MAPRE2: variants seen among roughly 807,000 people sequenced by gnomAD.
MAPRE2 encodes the protein microtubule associated protein RP/EB family member 2.
Under a neutral mutation model 43.2 loss-of-function variants are expected in MAPRE2, and 13 were observed. That is an observed-to-expected ratio of 0.30 (90% CI 0.20 to 0.48). MAPRE2 has a LOEUF of 0.48. MAPRE2 is among the 20% of genes least tolerant of loss of function. MAPRE2 has a pLI of 0.99. For missense variants in MAPRE2, 161 were observed against 400.2 expected, an observed-to-expected ratio of 0.40 and a Z score of 5.10; for synonymous variants, 135 against 148.8, an observed-to-expected ratio of 0.91 and a Z score of 0.68.
intron 4 of MAPRE2, among the ~76,000 whole-genome samples, chr18:35,126,676 T>C (rs1909916302): frequency 6.6e-6 from 1 of 151,892 alleles, no homozygotes; most frequent in African/African-American, 2.4e-5. Context: ...CTCTTATATC[T>C]CCAGAGGGAG....
chr18:35,091,915 G>T (rs1054311923), intron 2 of MAPRE2, among the ~76,000 whole-genome samples: 2 of 152,190 alleles, frequency 1.3e-5, no homozygotes, highest in Admixed American at 1.3e-4. Context: ...TCACAGTTCT[G>T]CAGGCTGTAC....
At chr18:35,063,285 T>A (rs903661117) in intron 1 of MAPRE2, among the ~76,000 whole-genome samples, 1 of 151,968 alleles carries the variant, frequency 6.6e-6, no homozygotes, top group Non-Finnish European at 1.5e-5. Context: ...TTTTTTGTAT[T>A]TTTAGTAGAG....
chr18:35,037,888 G>T (rs1226428300), upstream of MAPRE2, among the ~76,000 whole-genome samples: 1 of 152,122 alleles, frequency 6.6e-6, no homozygotes, highest in African/African-American at 2.4e-5. Flanking sequence ...TGTGAGTGGG[G>T]CTTATAGGAG....
At chr18:35,001,666 T>A (rs569340372) in intron 1 of MAPRE2, among the ~76,000 whole-genome samples, 1 of 152,100 alleles carries the variant, frequency 6.6e-6, no homozygotes, top group East Asian at 1.9e-4. Context: ...TAGGCAACAT[T>A]GGATAGCAGA....
chr18:34,991,011 CT>C (rs2097023494), intron 1 of MAPRE2, among the ~76,000 whole-genome samples: 1 of 152,102 alleles, frequency 6.6e-6, no homozygotes, highest in Non-Finnish European at 1.5e-5. Flanking sequence ...TGAGCCTCTG[CT>C]TTTTGTTTTT....
intron 4 of MAPRE2, among the ~76,000 whole-genome samples, chr18:35,108,541 C>T (rs1909017773): frequency 6.6e-6 from 1 of 152,148 alleles, no homozygotes; most frequent in African/African-American, 2.4e-5. Context: ...CTTCAGAAAT[C>T]ATCATACTGT....
At chr18:34,997,937 A>G (rs1028121501) in intron 1 of MAPRE2, among the ~76,000 whole-genome samples, 4 of 152,282 alleles carry the variant, frequency 2.6e-5, no homozygotes, top group African/African-American at 9.6e-5. Flanking sequence ...AAAGCCTTTA[A>G]GAAATATTTT....
chr18:35,085,021 AC>A, intron 2 of MAPRE2, among the ~76,000 whole-genome samples: 1 of 152,332 alleles, frequency 6.6e-6, no homozygotes, highest in East Asian at 1.9e-4. Context: ...GCCTATGAAA[AC>A]AACAAAAAGC....
At chr18:35,123,087 C>G (rs1909759226) in intron 4 of MAPRE2, among the ~76,000 whole-genome samples, 1 of 152,244 alleles carries the variant, frequency 6.6e-6, no homozygotes, top group African/African-American at 2.4e-5. Flanking sequence ...GCGTGTCTCA[C>G]TGCTCTCCTG....
chr18:35,041,297 T>G, upstream of MAPRE2: 1 of 1,400,220 alleles, frequency 7.1e-7, no homozygotes, highest in East Asian at 2.7e-5. Context: ...AGGTGATGAG[T>G]TAGCGGGTTG....
Position 35,143,279 on chromosome 18 carries a change from T to C in MAPRE2, c.*2910T>C, listed in dbSNP as rs1910749604. On this transcript the variant is annotated 3_prime_UTR_variant, in exon 7 of 7. Coordinates refer to ENST00000300249, the MANE Select transcript of MAPRE2 (RefSeq NM_014268.4). Reference sequence around the variant, plus strand: ...AAACTGAAAGGAATGTAAACATATGTATTGTTAATTATAAATATAGATAAG... The same window carrying C: ...AAACTGAAAGGAATGTAAACATATGCATTGTTAATTATAAATATAGATAAG... 1 of 152,122 alleles carries C rather than the reference T, an allele frequency of 6.6e-6. No homozygotes were observed. Among genetic ancestry groups the C allele is most frequent in the Non-Finnish European group, 1.5e-5 (1 of 68,028 alleles). The allele number at this position is 152,122 out of a possible 1,614,324, so 9.4% of individuals were successfully genotyped here.
intron 1 of MAPRE2, among the ~76,000 whole-genome samples, chr18:34,995,803 C>A (rs894402591): frequency 3.3e-5 from 5 of 152,086 alleles, no homozygotes; most frequent in African/African-American, 9.7e-5. Context: ...CTTTACCAAG[C>A]GCATGTTAAT....
chr18:35,111,610 ATACTCAGGAAGT>A (rs1166674788), intron 4 of MAPRE2, among the ~76,000 whole-genome samples: 8 of 152,220 alleles, frequency 5.3e-5, no homozygotes, highest in Admixed American at 5.2e-4. Context: ...CAAGGGAAAA[ATACTCAGGAAGT>A]TAACTCCCAT....
chr18:34,998,772 A>ATTTTTTTTTTTTTTTTTTTT (rs67933808), intron 1 of MAPRE2, among the ~76,000 whole-genome samples: 8 of 93,732 alleles, frequency 8.5e-5, no homozygotes, highest in East Asian at 3.0e-4. Flanking sequence ...CGAAGTTGCA[A>ATTTTTTTTTTTTTTTTTTTT]TTTTTTTTTT....
intron 1 of MAPRE2, among the ~76,000 whole-genome samples, chr18:35,042,216 C>T (rs1905404353): frequency 6.6e-6 from 1 of 152,250 alleles, no homozygotes; most frequent in East Asian, 1.9e-4. Context: ...TAGTGTCAGA[C>T]ATTCACCAAA....
intron 2 of MAPRE2, among the ~76,000 whole-genome samples, chr18:35,083,936 T>G (rs1435209042): frequency 6.6e-6 from 1 of 152,050 alleles, no homozygotes; most frequent in Non-Finnish European, 1.5e-5. Context: ...AAATACTCTT[T>G]ATTCTTCCAT....
intron 4 of MAPRE2, among the ~76,000 whole-genome samples, chr18:35,119,915 C>T (rs558519860): frequency 1.3e-5 from 2 of 152,234 alleles, no homozygotes; most frequent in South Asian, 4.2e-4. Flanking sequence ...TGAATCAGGT[C>T]TTATTTGCTG....
At chr18:35,112,626 C>A (rs149138306) in intron 4 of MAPRE2, among the ~76,000 whole-genome samples, 134 of 152,316 alleles carry the variant, frequency 8.8e-4, no homozygotes, top group African/African-American at 3.1e-3. Context: ...AAGAAATATT[C>A]TAATGGCCCA....
chr18:35,069,515 G>T (rs1907003858), intron 1 of MAPRE2, among the ~76,000 whole-genome samples: 1 of 152,132 alleles, frequency 6.6e-6, no homozygotes, highest in African/African-American at 2.4e-5. Flanking sequence ...GTTGATAGGA[G>T]TATAAATCAA....
Sources: gnomAD v4.1 joint callset for allele counts (sites outside exome capture counted in the v4.1 genomes callset) on GRCh38, gnomAD v4.1.1 for gene constraint, MANE v1.5 for transcripts, NCBI Gene and HGNC (gene_info 2026-07-23, HGNC 2026-07-21) for gene names.